RABGAP1: variants seen among roughly 807,000 people sequenced by gnomAD.
RABGAP1 encodes the protein RAB GTPase activating protein 1.
RABGAP1 carries 23 observed loss-of-function variants against 137.6 expected under a neutral mutation model. The observed-to-expected ratio is 0.17, with a 90% CI of 0.12 to 0.24. The LOEUF is 0.24. Among genes scored for constraint, RABGAP1 ranks in the 10% least tolerant of loss-of-function variants. The pLI, the probability that RABGAP1 is intolerant of heterozygous loss-of-function variation, is 1.00. For missense variants in RABGAP1, 906 were observed against 1,275.8 expected, an observed-to-expected ratio of 0.71 and a Z score of 4.42; for synonymous variants, 451 against 450.7, an observed-to-expected ratio of 1.00 and a Z score of -0.01.
intron 21 of RABGAP1, among the ~76,000 whole-genome samples, chr9:123,093,324 A>G: frequency 6.6e-6 from 1 of 152,222 alleles, no homozygotes. Flanking sequence ...ACCCCAATCA[A>G]GCTTTCTGTA....
chr9:123,046,221 G>A (rs530516599), intron 13 of RABGAP1, among the ~76,000 whole-genome samples: 1 of 152,206 alleles, frequency 6.6e-6, no homozygotes, highest in Non-Finnish European at 1.5e-5. Context: ...TTCATCAAGG[G>A]AATAATAAGT....
intron 10 of RABGAP1, among the ~76,000 whole-genome samples, chr9:123,005,056 CAAA>C (rs11421673): frequency 9.7e-4 from 91 of 93,854 alleles, no homozygotes; most frequent in South Asian, 2.7e-3. Flanking sequence ...AACTCCATCT[CAAA>C]AAAAAAAAAA....
At chr9:122,947,047 T>G (rs1833984977) in intron 1 of RABGAP1, among the ~76,000 whole-genome samples, 1 of 152,164 alleles carries the variant, frequency 6.6e-6, no homozygotes, top group Non-Finnish European at 1.5e-5. Context: ...CTCATGGAAC[T>G]GTAATGGAAA....
intron 10 of RABGAP1, 65 bp from the exon 11 acceptor site, chr9:123,010,289 A>G: frequency 2.2e-6 from 3 of 1,393,324 alleles, no homozygotes; most frequent in Non-Finnish European, 2.9e-6. Flanking sequence ...CATTAAAAAC[A>G]CTGCAATTAA....
At chr9:123,100,383 A>ATG (rs56811028) in intron 24 of RABGAP1, among the ~76,000 whole-genome samples, 3,181 of 136,456 alleles carry the variant, frequency 0.023, 48 homozygotes, top group East Asian at 0.11. Flanking sequence ...GTTTAACCAG[A>ATG]TGTGTGTGTG....
At chr9:123,074,182 A>G (rs924796154) in intron 16 of RABGAP1, 103 bp from the exon 17 acceptor site, 3 of 1,371,624 alleles carry the variant, frequency 2.2e-6, no homozygotes, top group Non-Finnish European at 3.0e-6. Flanking sequence ...GAAAAACACA[A>G]GTATTTTACT....
At position 122,989,386 on chromosome 9, in the gene RABGAP1, A is replaced by G; in HGVS notation, c.680A>G (p.Glu227Gly). The G allele has an allele frequency of 6.2e-7, 1 of 1,614,068 alleles. No individual in the cohort carries two copies. The highest frequency in any genetic ancestry group is 8.5e-7 in the Non-Finnish European group (1 of 1,179,970). The stretch of plus-strand genomic sequence containing the variant: ...GTCAGAGGGCATGATGGAACTCCTG[A>G]GAGTGACTGTTTTGCTTTCACTGAA... Reference protein sequence around the residue: ...FCVRGHDGTPESDCFAFTESH... With the variant: ...FCVRGHDGTPGSDCFAFTESH... Residue 227 changes from glutamate (E) to glycine (G), a missense_variant, in exon 5 of 26, where the codon GAG (glutamate) becomes GGG (glycine). By Grantham distance (98) the Glu-to-Gly change is moderately conservative. Transcript: ENST00000373647.
chr9:122,996,476 C>G, intron 7 of RABGAP1, 63 bp from the exon 8 acceptor site: 2 of 1,460,002 alleles, frequency 1.4e-6, no homozygotes, highest in Non-Finnish European at 1.9e-6. Context: ...TTAAAGTGGC[C>G]TAATTTAAAC....
chr9:122,992,815 ATAT>A (rs1836809301), intron 6 of RABGAP1, among the ~76,000 whole-genome samples: 1 of 149,564 alleles, frequency 6.7e-6, no homozygotes, highest in South Asian at 2.1e-4. Context: ...TTTTATCTAA[ATAT>A]TATACCTAAA....
At chr9:123,065,306 G>T in intron 13 of RABGAP1, 42 bp from the exon 14 acceptor site, 4 of 1,407,728 alleles carry the variant, frequency 2.8e-6, no homozygotes, top group Non-Finnish European at 4.0e-6. Context: ...GAGTTTACAT[G>T]ATTAACCTAA....
the RABGAP1 span, among the ~76,000 whole-genome samples, chr9:122,931,818 T>G: frequency 7.4e-4 from 112 of 152,372 alleles, 1 homozygote; most frequent in African/African-American, 2.6e-3. Context: ...CTTCTGTAGC[T>G]GGGCCTAGAC....
intron 22 of RABGAP1, among the ~76,000 whole-genome samples, chr9:123,098,083 T>C (rs1176913648): frequency 6.6e-6 from 1 of 152,242 alleles, no homozygotes; most frequent in Admixed American, 6.5e-5. Flanking sequence ...TATCAGCATC[T>C]GAGCATAACA....
chr9:123,016,814 C>T (rs2031266470), intron 12 of RABGAP1, among the ~76,000 whole-genome samples: 1 of 152,172 alleles, frequency 6.6e-6, no homozygotes, highest in African/African-American at 2.4e-5. Flanking sequence ...TAGAATAAAG[C>T]TGTGTCTCAG....
At chr9:122,990,994 G>T (rs1411956773) in intron 6 of RABGAP1, among the ~76,000 whole-genome samples, 1 of 150,844 alleles carries the variant, frequency 6.6e-6, no homozygotes, top group Admixed American at 6.6e-5. Context: ...ATTGGAAGGG[G>T]AGAAATAAGG....
chr9:123,084,225 G>A (rs147848760), intron 19 of RABGAP1, among the ~76,000 whole-genome samples: 448 of 152,342 alleles, frequency 2.9e-3, no homozygotes, highest in African/African-American at 0.01. Flanking sequence ...TTGTTATCCT[G>A]AAAGTCCTGA....
At chr9:123,097,221 T>TA (rs1340606830) in intron 21 of RABGAP1, among the ~76,000 whole-genome samples, 1 of 152,134 alleles carries the variant, frequency 6.6e-6, no homozygotes, top group Non-Finnish European at 1.5e-5. Context: ...GAGTGGCCAT[T>TA]AAAGATAAGA....
intron 14 of RABGAP1, among the ~76,000 whole-genome samples, chr9:123,067,654 C>T (rs2034220056): frequency 6.6e-6 from 1 of 152,186 alleles, no homozygotes; most frequent in East Asian, 1.9e-4. Context: ...TCTTCAAGGG[C>T]AGGGATCATT....
At chr9:123,031,481 G>A (rs1031986723) in intron 13 of RABGAP1, among the ~76,000 whole-genome samples, 2 of 152,042 alleles carry the variant, frequency 1.3e-5, no homozygotes, top group Admixed American at 1.3e-4. Flanking sequence ...ATAATAAAAT[G>A]TACATTTTGG....
At chr9:123,038,876 T>C (rs897969540) in intron 13 of RABGAP1, among the ~76,000 whole-genome samples, 5 of 152,072 alleles carry the variant, frequency 3.3e-5, no homozygotes, top group African/African-American at 1.2e-4. Flanking sequence ...ATAGTAAAAA[T>C]GAAGTTGGAA....
Sources: gnomAD v4.1 joint callset for allele counts (sites outside exome capture counted in the v4.1 genomes callset) on GRCh38, gnomAD v4.1.1 for gene constraint, MANE v1.5 for transcripts, NCBI Gene and HGNC (gene_info 2026-07-23, HGNC 2026-07-21) for gene names.